The following SLC4A4 variants were observed in gnomAD, a reference collection of about 807,000 sequenced individuals.
The protein encoded by SLC4A4 is electrogenic sodium bicarbonate cotransporter 1.
Under a neutral mutation model 111.5 loss-of-function variants are expected in SLC4A4, and 27 were observed. That is an observed-to-expected ratio of 0.24 (90% confidence interval 0.18 to 0.33). The LOEUF (loss-of-function observed/expected upper bound fraction) is 0.33. SLC4A4 is among the 10% of genes least tolerant of loss of function. The probability of loss-of-function intolerance (pLI) is 1.00; values close to 1 mark genes in which losing one functional copy is unlikely to be tolerated. For synonymous variants in SLC4A4, 443 were observed against 463.4 expected (o/e 0.96, Z 0.57); for missense variants, 909 against 1,315.5 (o/e 0.69, Z 4.78).
chr4:71,515,566 C>T (rs185986724), intron 16 of SLC4A4, among the ~76,000 whole-genome samples: 25 of 152,160 alleles, frequency 1.6e-4, no homozygotes, highest in Middle Eastern at 3.4e-3. Flanking sequence ...ATGCTGACAA[C>T]GGGGTGTTAA....
intron 1 of SLC4A4, among the ~76,000 whole-genome samples, chr4:71,226,001 AT>A (rs1334295106): frequency 6.6e-6 from 1 of 152,224 alleles, no homozygotes; most frequent in East Asian, 1.9e-4. Context: ...TTGAATCCTA[AT>A]TTTATTTGCA....
chr4:71,073,663 G>A (rs576397486), intron 1 of SLC4A4, among the ~76,000 whole-genome samples: 8 of 152,184 alleles, frequency 5.3e-5, no homozygotes, highest in Admixed American at 5.2e-4. Context: ...CCACTGGAAT[G>A]TAAGCTCTAC....
chr4:71,477,500 T>C (rs968231488), intron 14 of SLC4A4, among the ~76,000 whole-genome samples: 3 of 151,772 alleles, frequency 2.0e-5, no homozygotes, highest in Admixed American at 6.6e-5. Context: ...ATATGAAACA[T>C]TGAAGCTGTA....
intron 3 of SLC4A4, among the ~76,000 whole-genome samples, chr4:71,319,671 A>G (rs768549110): frequency 2.0e-5 from 3 of 152,108 alleles, no homozygotes; most frequent in Admixed American, 6.6e-5. Flanking sequence ...TTAATATAAT[A>G]GCATTATCTG....
Position 71,233,303 on chromosome 4 carries a change from CTG to C in SLC4A4, c.-1-3266_-1-3265del, listed in dbSNP as rs946873674. 5 of 985,240 alleles carry C rather than the reference CTG, an allele frequency of 5.1e-6. No homozygotes were observed. In the African/African-American group the frequency reaches 8.7e-5, roughly 17 times the overall value. 61.0% of individuals were successfully genotyped at this position (985,240 alleles called of 1,614,324 possible). On this transcript the variant is annotated intron_variant, in intron 1 of 25. Transcript: ENST00000264485. ...CTGAATGCCTCCTCTGTGTCTGCTA[CTG>C]TGTGTGGTATGTAAAAATTATATTT...
intron 7 of SLC4A4, among the ~76,000 whole-genome samples, chr4:71,439,454 A>G (rs1724490664): frequency 6.9e-6 from 1 of 144,722 alleles, no homozygotes; most frequent in Non-Finnish European, 1.5e-5. Flanking sequence ...AAAAAAAAAA[A>G]AAAAAAAAAA....
chr4:71,493,181 CAGTT>C (rs1273643009), intron 15 of SLC4A4, among the ~76,000 whole-genome samples: 2 of 151,738 alleles, frequency 1.3e-5, no homozygotes, highest in Non-Finnish European at 2.9e-5. Context: ...AAAACATGCC[CAGTT>C]AAAGATGAAT....
intron 1 of SLC4A4, chr4:71,235,946 A>T: frequency 1.4e-6 from 1 of 723,044 alleles, no homozygotes; most frequent in Non-Finnish European, 1.7e-6. Context: ...GGGTTGCTGG[A>T]TAATCCTCAG....
intron 2 of SLC4A4, among the ~76,000 whole-genome samples, chr4:71,147,516 C>T (rs546795760): frequency 6.6e-6 from 1 of 152,090 alleles, no homozygotes; most frequent in African/African-American, 2.4e-5. Context: ...CACTTCTCCC[C>T]TGGATGAACC....
At chr4:71,300,890 G>A (rs1288675551) in intron 3 of SLC4A4, 9 of 506,672 alleles carry the variant, frequency 1.8e-5, no homozygotes, top group Admixed American at 4.1e-5. Context: ...TGCTCAGCAC[G>A]TGGTAGGTGC....
intron 2 of SLC4A4, among the ~76,000 whole-genome samples, chr4:71,156,556 ATAAGTGTGTGCGCGC>A (rs75477707): frequency 0.62 from 92,430 of 150,070 alleles, 34,214 homozygotes; most frequent in Non-Finnish European, 0.81. Flanking sequence ...TTATGTCCAA[ATAAGTGTGTGCGCGC>A]ATGCGCGCGC....
At chr4:71,487,151 A>T (rs1729483201) in intron 15 of SLC4A4, 133 bp downstream of exon 15, 4 of 551,880 alleles carry the variant, frequency 7.2e-6, no homozygotes, top group Non-Finnish European at 6.6e-6. Context: ...AATTATTGAC[A>T]GTGGAGGGAC....
At chr4:71,389,512 T>G (rs1419889336) in intron 6 of SLC4A4, among the ~76,000 whole-genome samples, 1 of 152,212 alleles carries the variant, frequency 6.6e-6, no homozygotes, top group Non-Finnish European at 1.5e-5. Context: ...AGGGAATTTC[T>G]CTTTTTCCTC....
rs1287740671 is a variant in SLC4A4, at chr4:71,545,173, G to A, written c.2443-1177G>A. ...TTGTTCTTAGCCAAGCCTGGACTAG[G>A]TGAATACATGCTTTTCTTTCTTGTA... On this transcript the variant is annotated intron_variant, in intron 18 of 25. Coordinates refer to ENST00000264485, the MANE Select transcript of SLC4A4 (RefSeq NM_001098484.3). 2.6e-5 allele frequency among the ~76,000 whole-genome samples: 4 copies of A among 152,100 alleles called. No homozygotes were observed. In the East Asian group the frequency reaches 7.8e-4, roughly 30 times the overall value.
At chr4:71,300,864 C>T (rs1725196876) in intron 3 of SLC4A4, 7 of 484,032 alleles carry the variant, frequency 1.4e-5, no homozygotes, top group South Asian at 9.9e-5. Context: ...ACAGGGCCCG[C>T]TTCCAATCTT....
At chr4:71,328,866 A>T (rs1162834995) in intron 3 of SLC4A4, among the ~76,000 whole-genome samples, 1 of 151,898 alleles carries the variant, frequency 6.6e-6, no homozygotes, top group Non-Finnish European at 1.5e-5. Flanking sequence ...GTTTGTGCTT[A>T]TGGGGTATTA....
At chr4:71,067,260 G>GT (rs754935905) in intron 1 of SLC4A4, among the ~76,000 whole-genome samples, 101 of 147,386 alleles carry the variant, frequency 6.9e-4, no homozygotes, top group Admixed American at 1.0e-3. Context: ...AAAGGAAAGA[G>GT]TTTTTTTTTT....
chr4:71,166,730 T>C lies in SLC4A4; in HGVS notation c.-1-69846T>C, dbSNP rs72850611. Among the ~76,000 whole-genome samples the C allele has an allele frequency of 5.3e-3, 810 of 152,300 alleles. 9 individuals are homozygous for C. Among genetic ancestry groups the C allele is most frequent in the African/African-American group, 0.019 (775 of 41,580 alleles). On this transcript the variant is annotated intron_variant, in intron 2 of 26. Transcript: ENST00000649996. ...TCAAACTTAATTTTTCCAAGAAGAA[T>C]TAAGTGCCCAATTTATGTCTGAGCT...
At chr4:71,552,703 T>C (rs983612684) in intron 20 of SLC4A4, among the ~76,000 whole-genome samples, 11 of 151,882 alleles carry the variant, frequency 7.2e-5, no homozygotes, top group African/African-American at 2.7e-4. Context: ...TATACTTTTG[T>C]GCTTTCTGGG....
Sources: allele counts gnomAD v4.1 joint callset (sites outside exome capture counted in the v4.1 genomes callset), GRCh38; gene constraint gnomAD v4.1.1; transcripts MANE v1.5; gene names NCBI Gene and HGNC (gene_info 2026-07-23, HGNC 2026-07-21).